TDP1: variants seen among roughly 807,000 people sequenced by gnomAD.
TDP1 encodes tyr-DNA phosphodiesterase 1.
TDP1 carries 64 observed loss-of-function variants against 81.5 expected under a neutral mutation model. That is an observed-to-expected ratio of 0.79 (90% CI 0.64 to 0.97). TDP1 has a LOEUF of 0.97. Ranked by LOEUF, TDP1 falls within the 50% of genes least tolerant of loss-of-function variation. The pLI is 0.00. For synonymous variants in TDP1, 256 were observed against 264.3 expected, an observed-to-expected ratio of 0.97 and a Z score of 0.30; for missense variants, 723 against 743.8, an observed-to-expected ratio of 0.97 and a Z score of 0.33.
At chr14:90,042,695 A>G (rs2140361416) in intron 16 of TDP1, 1 of 176,064 alleles carries the variant, frequency 5.7e-6, no homozygotes, top group African/African-American at 2.4e-5. Context: ...TCCCCTTTAT[A>G]AAACCATCAG....
chr14:90,021,801 C>G (rs910787247), intron 15 of TDP1, among the ~76,000 whole-genome samples: 1 of 152,194 alleles, frequency 6.6e-6, no homozygotes, highest in Non-Finnish European at 1.5e-5. Context: ...CCAACTGATT[C>G]AAGAGCTAGG....
At chr14:90,042,761 C>T in intron 16 of TDP1, 1 of 443,042 alleles carries the variant, frequency 2.3e-6, no homozygotes, top group Non-Finnish European at 3.0e-6. Context: ...GACCCGCCCC[C>T]ATGATTCAAT....
intron 10 of TDP1, chr14:89,988,687 ACTT>A (rs1895839252): frequency 2.0e-6 from 2 of 981,472 alleles, no homozygotes; most frequent in Non-Finnish European, 2.4e-6. Flanking sequence ...GGAAAGGAGA[ACTT>A]CTGTCCATCT....
At chr14:90,029,022 A>C (rs1016748552) in intron 15 of TDP1, among the ~76,000 whole-genome samples, 3 of 152,208 alleles carry the variant, frequency 2.0e-5, no homozygotes, top group Non-Finnish European at 4.4e-5. Context: ...AAAATGTCCA[A>C]ATACCAGGGT....
At chr14:89,957,057 C>G (rs1369896432) in intron 2 of TDP1, 1 of 152,278 alleles carries the variant, frequency 6.6e-6, no homozygotes, top group Non-Finnish European at 1.5e-5. Context: ...CTCTTTCCCA[C>G]CTCTGCCGGC....
chr14:89,963,009 G>C, intron 2 of TDP1, 99 bp from the exon 3 acceptor site: 1 of 1,588,780 alleles, frequency 6.3e-7, no homozygotes, highest in Non-Finnish European at 8.6e-7. Context: ...GCCTCTGGAA[G>C]GTGTCAGCTC....
intron 2 of TDP1, among the ~76,000 whole-genome samples, chr14:89,959,578 A>G (rs147653777): frequency 1.3e-5 from 2 of 152,256 alleles, no homozygotes; most frequent in Non-Finnish European, 2.9e-5. Flanking sequence ...TAAGCAACTC[A>G]GGCATATTTT....
At chr14:90,036,734 A>C (rs1887852877) in intron 16 of TDP1, among the ~76,000 whole-genome samples, 1 of 151,864 alleles carries the variant, frequency 6.6e-6, no homozygotes. Flanking sequence ...TCAAACTTAC[A>C]TTCCTCTTCT....
chr14:89,965,580 C>T (rs1188698187), intron 3 of TDP1, among the ~76,000 whole-genome samples: 1 of 152,172 alleles, frequency 6.6e-6, no homozygotes. Flanking sequence ...GAGCTTTCAA[C>T]TTACCTAACA....
intron 7 of TDP1, among the ~76,000 whole-genome samples, chr14:89,977,733 C>A (rs1894521921): frequency 6.6e-6 from 1 of 152,224 alleles, no homozygotes; most frequent in African/African-American, 2.4e-5. Flanking sequence ...AAAGGAGAAT[C>A]ACCTTCCAGA....
At position 90,044,406 on chromosome 14, in the gene TDP1, A is replaced by G. The variant is rs1419672880; in HGVS notation, c.*1263A>G. 6.6e-6 allele frequency: 1 copy of G among 152,020 alleles called. No homozygotes were observed. The highest frequency in any genetic ancestry group is 1.5e-5 in the Non-Finnish European group (1 of 68,032). 9.4% of individuals were successfully genotyped at this position (152,020 alleles called of 1,614,324 possible). ...TTGTGTTCTCCCTAGGGTGCTTTAG[A>G]CCCTGTTTGTTTTCTTCTGCATGAG... On this transcript the variant is annotated 3_prime_UTR_variant, in exon 17 of 17. Coordinates refer to ENST00000335725, the MANE Select transcript of TDP1 (RefSeq NM_018319.4).
chr14:89,971,448 T>A (rs999350073), intron 6 of TDP1, among the ~76,000 whole-genome samples, 177 bp downstream of exon 6: 1 of 152,224 alleles, frequency 6.6e-6, no homozygotes, highest in African/African-American at 2.4e-5. Context: ...TTCATAGTAC[T>A]CCTCAGGGTT....
chr14:89,961,314 T>A (rs1250046617), intron 2 of TDP1, among the ~76,000 whole-genome samples: 1 of 152,188 alleles, frequency 6.6e-6, no homozygotes, highest in Non-Finnish European at 1.5e-5. Context: ...TACTCCATTG[T>A]CCAATGACAG....
intron 15 of TDP1, among the ~76,000 whole-genome samples, chr14:90,031,784 T>G (rs1887314582): frequency 6.6e-6 from 1 of 152,154 alleles, no homozygotes. Context: ...ACCTGCAACA[T>G]AATTCTTTCC....
At chr14:90,035,255 G>T (rs759125684) in intron 16 of TDP1, among the ~76,000 whole-genome samples, 1 of 152,158 alleles carries the variant, frequency 6.6e-6, no homozygotes, top group African/African-American at 2.4e-5. Context: ...CCTCTTGCTG[G>T]TAACTTTGTA....
Position 89,993,453 on chromosome 14 carries a change from T to A in TDP1, c.1511T>A (p.Phe504Tyr), listed in dbSNP as rs1397230340. The A allele has an allele frequency of 6.2e-7, 1 of 1,613,702 alleles. No individual in the cohort carries two copies. The highest frequency in any genetic ancestry group is 8.5e-7 in the Non-Finnish European group (1 of 1,179,830). Residue 504 changes from phenylalanine to tyrosine, a missense_variant, in exon 14 of 17, where the codon TTC becomes TAC. Coordinates refer to ENST00000335725, the MANE Select transcript of TDP1 (RefSeq NM_018319.4). ...IKTYMRPSPD[F>Y]SKIAWFLVTS... ...ACATATATGAGGCCTTCTCCAGACT[T>A]CAGTAAAATTGCTTGGTTCCTTGTC...
At chr14:90,032,374 G>C (rs945538276) in intron 15 of TDP1, among the ~76,000 whole-genome samples, 1 of 152,058 alleles carries the variant, frequency 6.6e-6, no homozygotes, top group African/African-American at 2.4e-5. Context: ...CAGAAGGAAT[G>C]AGAGACAGAC....
At chr14:89,976,554 T>TTTTTTTG (rs1566862561) in intron 7 of TDP1, among the ~76,000 whole-genome samples, 3 of 141,744 alleles carry the variant, frequency 2.1e-5, no homozygotes, top group African/African-American at 8.2e-5. Flanking sequence ...TTTTTTTTTT[T>TTTTTTTG]TAGACAGAGT....
At chr14:89,967,789 C>G (rs1168862464) in intron 5 of TDP1, among the ~76,000 whole-genome samples, 1 of 152,188 alleles carries the variant, frequency 6.6e-6, no homozygotes, top group Non-Finnish European at 1.5e-5. Flanking sequence ...CGTAGCACAT[C>G]AATTCTGTTC....
Sources: allele counts gnomAD v4.1 joint callset (sites outside exome capture counted in the v4.1 genomes callset), GRCh38; gene constraint gnomAD v4.1.1; transcripts MANE v1.5; gene names NCBI Gene and HGNC (gene_info 2026-07-23, HGNC 2026-07-21).